The following RBFOX1 variants were observed in gnomAD, a reference collection of about 807,000 sequenced individuals.
The protein encoded by RBFOX1 is RNA binding fox-1 homolog 1, also known as RNA binding protein fox-1 homolog 1.
In RBFOX1, 8 loss-of-function variants were observed where a neutral mutation model predicts 57.7. The observed-to-expected ratio is 0.14, with a 90% CI of 0.08 to 0.25. The LOEUF is 0.25. Ranked by LOEUF, RBFOX1 falls within the 10% of genes least tolerant of loss-of-function variation. The pLI is 1.00. For missense variants in RBFOX1, 611 were observed against 548.5 expected (o/e 1.11, Z -1.14); for synonymous variants, 326 against 222.4 (o/e 1.47, Z -4.15).
At chr16:6,672,056 C>A (rs2098768745) in intron 3 of RBFOX1, among the ~76,000 whole-genome samples, 1 of 152,188 alleles carries the variant, frequency 6.6e-6, no homozygotes, top group Non-Finnish European at 1.5e-5. Context: ...AATAGGTGAA[C>A]CCATCCGATA....
At chr16:7,103,889 C>G (rs1004842519) in intron 4 of RBFOX1, among the ~76,000 whole-genome samples, 1 of 152,132 alleles carries the variant, frequency 6.6e-6, no homozygotes, top group Non-Finnish European at 1.5e-5. Context: ...AACACACAAA[C>G]AGATGTTTCT....
chr16:6,963,553 A>G (rs1410993760), intron 3 of RBFOX1, among the ~76,000 whole-genome samples: 1 of 152,134 alleles, frequency 6.6e-6, no homozygotes, highest in Non-Finnish European at 1.5e-5. Flanking sequence ...TAAAATGTAC[A>G]TTTTGGCTGT....
chr16:6,643,741 C>CA (rs1191190497), intron 2 of RBFOX1, among the ~76,000 whole-genome samples: 1 of 152,110 alleles, frequency 6.6e-6, no homozygotes, highest in Non-Finnish European at 1.5e-5. Flanking sequence ...CTCTAAAACT[C>CA]AGTTTTTTCA....
intron 3 of RBFOX1, among the ~76,000 whole-genome samples, chr16:5,789,749 C>G (rs746132551): frequency 7.2e-5 from 11 of 152,198 alleles, no homozygotes; most frequent in Non-Finnish European, 1.3e-4. Flanking sequence ...AGTTCCCAGG[C>G]TCACAAGTGT....
At chr16:5,576,934 C>T (rs999724198) in intron 2 of RBFOX1, among the ~76,000 whole-genome samples, 4 of 152,172 alleles carry the variant, frequency 2.6e-5, no homozygotes, top group African/African-American at 9.7e-5. Flanking sequence ...AGCACTTGGG[C>T]CAAGATTAAA....
At chr16:6,290,687 A>T (rs888046707) in intron 1 of RBFOX1, among the ~76,000 whole-genome samples, 3 of 152,190 alleles carry the variant, frequency 2.0e-5, no homozygotes, top group Non-Finnish European at 4.4e-5. Flanking sequence ...TGAATATTGG[A>T]GGTGTTTGTT....
intron 5 of RBFOX1, among the ~76,000 whole-genome samples, chr16:7,534,390 G>A (rs2080978768): frequency 6.6e-6 from 1 of 151,980 alleles, no homozygotes. Flanking sequence ...ACAGTGCACG[G>A]CCACCACAGC....
At chr16:6,550,150 C>G (rs937484862) in intron 2 of RBFOX1, among the ~76,000 whole-genome samples, 1 of 152,062 alleles carries the variant, frequency 6.6e-6, no homozygotes, top group African/African-American at 2.4e-5. Flanking sequence ...CTCTCTCTAT[C>G]TCTCACTGTT....
chr16:5,455,096 T>C (rs1375297443), intron 1 of RBFOX1, among the ~76,000 whole-genome samples: 1 of 150,858 alleles, frequency 6.6e-6, no homozygotes, highest in Non-Finnish European at 1.5e-5. Flanking sequence ...CGCTTTCCTG[T>C]TGGTTCTTTC....
chr16:7,117,236 A>G (rs2066112911), intron 4 of RBFOX1, among the ~76,000 whole-genome samples: 1 of 152,172 alleles, frequency 6.6e-6, no homozygotes, highest in South Asian at 2.1e-4. Context: ...GACACATGTT[A>G]AACTCGGGAA....
At chr16:7,271,866 C>T (rs1199980053) in intron 4 of RBFOX1, among the ~76,000 whole-genome samples, 2 of 152,130 alleles carry the variant, frequency 1.3e-5, no homozygotes, top group Non-Finnish European at 2.9e-5. Flanking sequence ...GAGGCTTCCT[C>T]ACAGCCCATC....
intron 4 of RBFOX1, among the ~76,000 whole-genome samples, chr16:7,120,880 AAT>A (rs1259147576): frequency 1.1e-5 from 1 of 91,280 alleles, no homozygotes; most frequent in East Asian, 2.9e-4. Flanking sequence ...TATATCATGG[AAT>A]ACATATAATA....
intron 1 of RBFOX1, among the ~76,000 whole-genome samples, chr16:5,439,121 C>T (rs187893366): frequency 1.5e-4 from 23 of 151,896 alleles, no homozygotes; most frequent in African/African-American, 5.6e-4. Context: ...AAGAAGCCAG[C>T]CTTGGGGAGA....
At chr16:6,543,726 C>T (rs772509011) in intron 2 of RBFOX1, among the ~76,000 whole-genome samples, 13 of 152,134 alleles carry the variant, frequency 8.5e-5, no homozygotes, top group Non-Finnish European at 7.4e-5. Context: ...CCGAGGTTCA[C>T]ACCGAAGCAT....
intron 3 of RBFOX1, among the ~76,000 whole-genome samples, chr16:5,741,246 A>G (rs62014079): frequency 0.17 from 26,013 of 152,108 alleles, 2,565 homozygotes; most frequent in African/African-American, 0.26. Flanking sequence ...CACCAGAGCA[A>G]TCAGTGGGGT....
At chr16:7,703,704 T>C (rs983490999) in intron 14 of RBFOX1, among the ~76,000 whole-genome samples, 36 of 152,192 alleles carry the variant, frequency 2.4e-4, no homozygotes, top group East Asian at 7.7e-4. Flanking sequence ...GTAGAGTTGA[T>C]AAAGCACTTT....
intron 1 of RBFOX1, among the ~76,000 whole-genome samples, chr16:6,304,248 A>G (rs1285207024): frequency 1.3e-5 from 2 of 151,918 alleles, no homozygotes; most frequent in African/African-American, 4.8e-5. Context: ...AGATCATGCC[A>G]TTGCACTTCA....
In RBFOX1 at chr16:7,597,360, T is replaced by G. The variant is rs549226031; in HGVS notation, c.562-11T>G. On this transcript the variant is annotated splice_polypyrimidine_tract_variant and intron_variant, in intron 8 of 15. Coordinates refer to ENST00000550418, the MANE Select transcript of RBFOX1 (RefSeq NM_018723.4). ...AGAATATGTGCTTACTTGAGTTTTC[T>G]ATGTACATAGGTAAATAATGCCACA... The G allele has an allele frequency of 6.2e-7, 1 of 1,600,548 alleles. No individual in the cohort carries two copies. The highest frequency in any genetic ancestry group is 2.3e-5 in the East Asian group (1 of 44,438).
intron 3 of RBFOX1, among the ~76,000 whole-genome samples, chr16:5,735,972 C>T (rs1231705425): frequency 1.3e-5 from 2 of 152,116 alleles, no homozygotes; most frequent in African/African-American, 4.8e-5. Context: ...GTAGAGTACA[C>T]ATGTGTTCTT....
Sources: allele counts gnomAD v4.1 joint callset (sites outside exome capture counted in the v4.1 genomes callset), GRCh38; gene constraint gnomAD v4.1.1; transcripts MANE v1.5; gene names NCBI Gene and HGNC (gene_info 2026-07-23, HGNC 2026-07-21).